CR1: variants seen among roughly 807,000 people sequenced by gnomAD.
The protein encoded by CR1 is complement receptor type 1.
Under a neutral mutation model 187.3 loss-of-function variants are expected in CR1, and 116 were observed. The observed-to-expected ratio is 0.62, with a 90% CI of 0.53 to 0.72. The LOEUF (loss-of-function observed/expected upper bound fraction) is 0.72. CR1 is among the 30% of genes least tolerant of loss of function. The pLI is 0.00. For missense variants in CR1, 1,731 were observed against 2,110.7 expected, an observed-to-expected ratio of 0.82 and a Z score of 3.52; for synonymous variants, 576 against 747.1, an observed-to-expected ratio of 0.77 and a Z score of 3.73.
In CR1 at chr1:207,587,294, G is replaced by A. The variant is rs975210611; in HGVS notation, c.5531-92G>A. 6 of 1,107,850 alleles carry A rather than the reference G, an allele frequency of 5.4e-6. No homozygotes were observed. The Admixed American group carries it at 1.3e-4, about 24-fold the overall frequency. 68.6% of individuals were successfully genotyped at this position (1,107,850 alleles called of 1,614,324 possible). On this transcript the variant is annotated intron_variant, in intron 33 of 46. Transcript: ENST00000367049. ...TATTCTTGTAAGTCTCTTTGTTTCTGTGATCCACCTATCAGCTTAATTGAA... is the reference window on the plus strand; with the variant it reads ...TATTCTTGTAAGTCTCTTTGTTTCTATGATCCACCTATCAGCTTAATTGAA...
At chr1:207,606,256 G>T (rs901695678) in intron 35 of CR1, among the ~76,000 whole-genome samples, 2 of 152,194 alleles carry the variant, frequency 1.3e-5, no homozygotes, top group African/African-American at 4.8e-5. Context: ...AGTTGCACAA[G>T]ACACTCCACT....
Position 207,578,148 on chromosome 1 carries a change from T to C in CR1, c.4881T>C (p.Arg1627=). The C allele has an allele frequency of 6.2e-7, 1 of 1,611,788 alleles. No individual in the cohort carries two copies. Among genetic ancestry groups the C allele is most frequent in the Non-Finnish European group, 8.5e-7 (1 of 1,179,704 alleles). ...GCTTTGTCATGAAAGGACCCCGCCG[T>C]GTGAAGTGCCAGGCCCTGAACAAAT... is the stretch of plus-strand genomic sequence containing the variant. ...QPGFVMKGPR[R]VKCQALNKWE... The change falls in exon 29 of 47, where the codon CGT becomes CGC. Residue 1627 remains arginine, a synonymous_variant. Transcript: ENST00000367049.
chr1:207,577,974 C>A lies in CR1; in HGVS notation c.4707C>A (p.Asp1569Glu). 1.2e-6 allele frequency: 2 copies of A among 1,611,856 alleles called. No individual in the cohort carries two copies. The highest frequency in any genetic ancestry group is 1.7e-6 in the Non-Finnish European group (2 of 1,179,700). The change falls in exon 29 of 47, where the codon GAC becomes GAA. Residue 1569 changes from aspartate (D) to glutamate (E), a missense_variant. By Grantham distance (45) the Asp-to-Glu change is conservative. Transcript: ENST00000367049. ...GEPSIYCTSN[D>E]DQVGIWSGPA... ...CCTCCATATACTGCACCAGCAATGA[C>A]GATCAAGTGGGCATCTGGAGCGGCC...
intron 4 of CR1, among the ~76,000 whole-genome samples, chr1:207,514,996 C>T (rs36062243): frequency 9.9e-4 from 122 of 122,932 alleles, no homozygotes; most frequent in East Asian, 7.4e-3. Context: ...TATATATATA[C>T]ACACACACAC....
intron 33 of CR1, 84 bp from the exon 34 acceptor site, chr1:207,587,302 C>T (rs1279084153): frequency 2.5e-6 from 3 of 1,177,046 alleles, no homozygotes; most frequent in Non-Finnish European, 2.4e-6. Context: ...CTGTGATCCA[C>T]CTATCAGCTT....
Position 207,637,295 on chromosome 1 carries a change from T to A in CR1, c.7458-2102T>A, listed in dbSNP as rs928922783. On this transcript the variant is annotated intron_variant, in intron 46 of 46. Coordinates refer to ENST00000367049, the MANE Select transcript of CR1 (RefSeq NM_000651.6). ...CTGGGACACGACTGAGTTTGTCCTG[T>A]GCAATTGTGGTAGAATTGACCTCGA... Among the ~76,000 whole-genome samples, 22 of 152,320 alleles carry A rather than the reference T, an allele frequency of 1.4e-4. No homozygotes were observed. The East Asian group carries it at 3.3e-3, about 23-fold the overall frequency.
At position 207,574,445 on chromosome 1, in the gene CR1, C is replaced by T. The variant is rs78338342; in HGVS notation, c.4452-1150C>T. ...TACACATTAAAGGATAAGAAAGACACAAAAATTGTACCATTTAAGTATGTT... is the reference window on the plus strand; with the variant it reads ...TACACATTAAAGGATAAGAAAGACATAAAAATTGTACCATTTAAGTATGTT... On this transcript the variant is annotated intron_variant, in intron 27 of 46. Transcript: ENST00000367049. Among the ~76,000 whole-genome samples the T allele has an allele frequency of 2.3e-3, 349 of 152,082 alleles. 2 individuals are homozygous for T. Among genetic ancestry groups the T allele is most frequent in the African/African-American group, 7.9e-3 (328 of 41,482 alleles).
chr1:207,589,025 C>G (rs113926236), intron 35 of CR1, among the ~76,000 whole-genome samples: 2 of 152,128 alleles, frequency 1.3e-5, no homozygotes. Context: ...ACATGTGAAA[C>G]CTGGTCAGGC....
chr1:207,596,662 A>T (rs1281891608), intron 35 of CR1, among the ~76,000 whole-genome samples: 10 of 151,142 alleles, frequency 6.6e-5, no homozygotes, highest in Admixed American at 2.6e-4. Flanking sequence ...AAAAATGTTT[A>T]AGAGTGAAAA....
chr1:207,632,013 G>A (rs1340775236), intron 46 of CR1, among the ~76,000 whole-genome samples: 3 of 152,150 alleles, frequency 2.0e-5, no homozygotes, highest in African/African-American at 7.2e-5. Flanking sequence ...TAAAGGAAGT[G>A]GAAAAGGTAT....
chr1:207,504,530 C>A lies in CR1; in HGVS notation c.122-1374C>A, dbSNP rs11808043. On this transcript the variant is annotated intron_variant, in intron 1 of 46. Transcript: ENST00000367049. ...TATCTAGTAAGACAAGTACTCCCCCCAAAATCAGTAAAGTATCTAGAAGAT... is the reference window on the plus strand; with the variant it reads ...TATCTAGTAAGACAAGTACTCCCCCAAAAATCAGTAAAGTATCTAGAAGAT... Among the ~76,000 whole-genome samples the A allele has an allele frequency of 7.7e-3, 1,177 of 151,936 alleles. 16 individuals are homozygous for A. The highest frequency in any genetic ancestry group is 0.027 in the African/African-American group (1,106 of 41,402).
Position 207,523,984 on chromosome 1 carries a change from G to C in CR1, c.861G>C (p.Glu287Asp), listed in dbSNP as rs1558227198. ...AGTGCCAGGCCCTGAACAAATGGGAGCCGGAGCTACCAAGCTGCTCCAGGG... is the reference window on the plus strand; with the variant it reads ...AGTGCCAGGCCCTGAACAAATGGGACCCGGAGCTACCAAGCTGCTCCAGGG... ...RVKCQALNKW[E>D]PELPSCSRVC... The change falls in exon 5 of 47, where the codon GAG becomes GAC. Residue 287 changes from glutamate (E) to aspartate (D), a missense_variant. This residue lies in a region of CR1 where 131 missense variants were observed against 196.8 expected (regional missense o/e 0.67). Coordinates refer to ENST00000367049, the MANE Select transcript of CR1 (RefSeq NM_000651.6). 1.2e-6 allele frequency: 2 copies of C among 1,611,788 alleles called. No homozygotes were observed. Among genetic ancestry groups the C allele is most frequent in the Non-Finnish European group, 8.5e-7 (1 of 1,179,722 alleles).
chr1:207,639,610 C>T lies in CR1; in HGVS notation c.*201C>T, dbSNP rs1662919996. 1 of 557,280 alleles carries T rather than the reference C, an allele frequency of 1.8e-6. No homozygotes were observed. The highest frequency in any genetic ancestry group is 3.2e-6 in the Non-Finnish European group (1 of 312,414). The allele number at this position is 557,280 out of a possible 1,614,324, so 34.5% of individuals were successfully genotyped here. A position where few individuals can be genotyped will look rare whatever the true frequency, so the allele number is the denominator to read the frequency against. The stretch of plus-strand genomic sequence containing the variant: ...CTCTTTGTGTGCGTCACTGTGAAAC[C>T]CCCACCCTTCTGCCTCGTGCTAAAC... On this transcript the variant is annotated 3_prime_UTR_variant, in exon 47 of 47. Transcript: ENST00000367049.
Position 207,505,962 on chromosome 1 carries a change from A to G in CR1, c.180A>G (p.Glu60=), listed in dbSNP as rs4844600. The change falls in exon 2 of 47, where the codon GAA becomes GAG. Residue 60 remains glutamate, a synonymous_variant. Transcript: ENST00000367049. ...CCAGGCCTACCAACCTAACTGATGA[A>G]TTTGAGTTTCCCATTGGGACATATC... ...PFARPTNLTD[E]FEFPIGTYLN... 0.81 allele frequency: 1,314,436 copies of G among 1,613,790 alleles called. 537,734 individuals carry two copies. Among genetic ancestry groups the G allele is most frequent in the African/African-American group, 0.94 (70,496 of 75,036 alleles).
chr1:207,640,572 C>T lies in CR1; in HGVS notation c.*1163C>T, dbSNP rs567659659. 35 of 152,244 alleles carry T rather than the reference C, an allele frequency of 2.3e-4. 1 individual carries two copies. The highest frequency in any genetic ancestry group is 2.3e-3 in the Admixed American group (35 of 15,290). The allele number at this position is 152,244 out of a possible 1,614,324, so 9.4% of individuals were successfully genotyped here. A position where few individuals can be genotyped will look rare whatever the true frequency, so the allele number is the denominator to read the frequency against. On this transcript the variant is annotated 3_prime_UTR_variant, in exon 47 of 47. Coordinates refer to ENST00000367049, the MANE Select transcript of CR1 (RefSeq NM_000651.6). ...TACTTTTGTATGGATTCAGAATATA[C>T]TAAATTAACTTTTTAAAACACAACT...
At chr1:207,579,854 A>T (rs537288125) in intron 29 of CR1, among the ~76,000 whole-genome samples, 1 of 152,336 alleles carries the variant, frequency 6.6e-6, no homozygotes, top group Non-Finnish European at 1.5e-5. Flanking sequence ...CTTCCAGAGT[A>T]AGCCCCAATT....
chr1:207,518,128 C>A (rs1320705008), intron 4 of CR1, among the ~76,000 whole-genome samples: 1 of 152,024 alleles, frequency 6.6e-6, no homozygotes, highest in African/African-American at 2.4e-5. Flanking sequence ...TTATTTATTT[C>A]CAACAATCTT....
At chr1:207,589,159 G>A (rs1020355726) in intron 35 of CR1, among the ~76,000 whole-genome samples, 4 of 152,196 alleles carry the variant, frequency 2.6e-5, no homozygotes, top group Non-Finnish European at 4.4e-5. Context: ...CTGAAGCAGA[G>A]TTTGGGAGGG....
chr1:207,630,239 T>C (rs1440248045), intron 45 of CR1, among the ~76,000 whole-genome samples: 1 of 152,130 alleles, frequency 6.6e-6, no homozygotes, highest in African/African-American at 2.4e-5. Context: ...ATGTCAGAAA[T>C]AGTGAAATGT....
Sources: gnomAD v4.1 joint callset for allele counts (sites outside exome capture counted in the v4.1 genomes callset) on GRCh38, gnomAD v4.1.1 for gene constraint, gnomAD v4.1.1 regional missense constraint, MANE v1.5 for transcripts, NCBI Gene and HGNC (gene_info 2026-07-23, HGNC 2026-07-21) for gene names.